Variants in CAMSAP2 observed in about 807,000 individuals in gnomAD.
CAMSAP2 encodes calmodulin regulated spectrin associated protein family member 2, also known as calmodulin-regulated spectrin-associated protein 2.
CAMSAP2 carries 26 observed loss-of-function variants against 146.1 expected under a neutral mutation model. The ratio of observed to expected loss-of-function variants is 0.18; its 90% confidence interval spans 0.13 to 0.25. The LOEUF (loss-of-function observed/expected upper bound fraction) is 0.25, where lower values mean the gene tolerates loss of function less well. CAMSAP2 is among the 10% of genes least tolerant of loss of function. The probability of loss-of-function intolerance (pLI) is 1.00; values close to 1 mark genes in which losing one functional copy is unlikely to be tolerated. For missense variants in CAMSAP2, 1,381 were observed against 1,759.3 expected (o/e 0.78, Z 3.85); for synonymous variants, 499 against 596.6 (o/e 0.84, Z 2.38).
At chr1:200,855,970 C>T (rs1246732845) in intron 14 of CAMSAP2, 40 bp from the exon 15 acceptor site, 1 of 1,382,790 alleles carries the variant, frequency 7.2e-7, no homozygotes, top group South Asian at 1.2e-5. Context: ...CCCATTTTTT[C>T]TCTGTTTGAG....
intron 1 of CAMSAP2, among the ~76,000 whole-genome samples, chr1:200,745,244 C>T (rs1477960967): frequency 6.6e-6 from 1 of 152,070 alleles, no homozygotes; most frequent in Admixed American, 6.6e-5. Context: ...CAGTAGTGTT[C>T]CCTACCACTA....
Position 200,847,718 on chromosome 1 carries a change from A to G in CAMSAP2, c.1262+9A>G. On this transcript the variant is annotated intron_variant, in intron 10 of 16. Transcript: ENST00000358823. ...TGGCCCAAAGAGAAAAGGTAAACAA[A>G]GAGAATTACTTTTAGTGTATTCAGA... The G allele has an allele frequency of 6.2e-7, 1 of 1,602,608 alleles. No homozygotes were observed. Among genetic ancestry groups the G allele is most frequent in the Non-Finnish European group, 8.5e-7 (1 of 1,170,378 alleles).
chr1:200,763,065 A>G (rs1664844330), intron 2 of CAMSAP2, among the ~76,000 whole-genome samples: 1 of 152,040 alleles, frequency 6.6e-6, no homozygotes, highest in Non-Finnish European at 1.5e-5. Flanking sequence ...ATGCCCAGCT[A>G]ATTTTTGTAC....
At chr1:200,752,649 GCT>G (rs570047046) in intron 1 of CAMSAP2, among the ~76,000 whole-genome samples, 239 of 147,652 alleles carry the variant, frequency 1.6e-3, no homozygotes, top group African/African-American at 6.0e-3. Flanking sequence ...ATGGAGTCTC[GCT>G]CTGTCGCCCA....
chr1:200,833,004 T>C (rs577401944), intron 6 of CAMSAP2, among the ~76,000 whole-genome samples, 159 bp downstream of exon 6: 423 of 152,114 alleles, frequency 2.8e-3, no homozygotes, highest in African/African-American at 9.4e-3. Context: ...GAGGCTTCAG[T>C]GAGCGATGAT....
intron 2 of CAMSAP2, among the ~76,000 whole-genome samples, chr1:200,763,498 T>C (rs775712105): frequency 1.3e-5 from 2 of 152,014 alleles, no homozygotes; most frequent in Non-Finnish European, 2.9e-5. Flanking sequence ...GAGATTCCGC[T>C]ACTGCACTCC....
At chr1:200,796,734 A>G (rs1665894555) in intron 2 of CAMSAP2, among the ~76,000 whole-genome samples, 2 of 150,734 alleles carry the variant, frequency 1.3e-5, no homozygotes, top group Non-Finnish European at 2.9e-5. Flanking sequence ...GGTTAGTTAC[A>G]TATGTATACA....
chr1:200,771,558 T>C (rs1665118322), intron 2 of CAMSAP2, among the ~76,000 whole-genome samples: 1 of 152,176 alleles, frequency 6.6e-6, no homozygotes, highest in African/African-American at 2.4e-5. Context: ...TAATTTCTGG[T>C]CATAAAGAGA....
chr1:200,848,046 G>A lies in CAMSAP2; in HGVS notation c.1277G>A (p.Gly426Asp). The A allele has an allele frequency of 6.5e-7, 1 of 1,542,068 alleles. No individual in the cohort carries two copies. Among genetic ancestry groups the A allele is most frequent in the Non-Finnish European group, 8.7e-7 (1 of 1,148,318 alleles). ...WPKEKRSSVH[G>D]VSFDISFDKE... ...CTTTTTTTTAGATCATCAGTGCATGGCGTATCATTTGATATTTCTTTTGAT... is the reference window on the plus strand; with the variant it reads ...CTTTTTTTTAGATCATCAGTGCATGACGTATCATTTGATATTTCTTTTGAT... The change falls in exon 11 of 17, where the codon GGC (glycine) becomes GAC (aspartate). Residue 426 changes from glycine to aspartate, a missense_variant. Gly to Asp is a moderately conservative substitution (Grantham distance 94). This residue lies in a region of CAMSAP2 where 447 missense variants were observed against 462.2 expected (regional missense o/e 0.97). Coordinates refer to ENST00000358823, the MANE Select transcript of CAMSAP2 (RefSeq NM_203459.4).
chr1:200,810,616 C>T (rs898678707), intron 3 of CAMSAP2, among the ~76,000 whole-genome samples: 22 of 150,236 alleles, frequency 1.5e-4, no homozygotes, highest in African/African-American at 4.4e-4. Flanking sequence ...AGACTGGGGG[C>T]GGTGACTCAC....
Position 200,832,831 on chromosome 1 carries a change from G to A in CAMSAP2, c.913G>A (p.Ala305Thr). ...HFTLEDMLYAASSIKSNYLVF... is the reference protein window; with the variant it reads ...HFTLEDMLYATSSIKSNYLVF... ...CACTCTGGAAGATATGCTCTATGCT[G>A]CTTCATCCATAAAGGTAAATTAAAT... The change falls in exon 6 of 17, where the codon GCT (alanine) becomes ACT (threonine). Residue 305 changes from alanine to threonine, a missense_variant. Physicochemically the swap from Ala to Thr is moderately conservative, Grantham distance 58 (BLOSUM62 0). Coordinates refer to ENST00000358823, the MANE Select transcript of CAMSAP2 (RefSeq NM_203459.4). This position sits in a 1 kb window ranked among gnomAD's most constrained non-coding sequence, Gnocchi z 4.2. 6.4e-7 allele frequency: 1 copy of A among 1,574,532 alleles called. No homozygotes were observed. Among genetic ancestry groups the A allele is most frequent in the Non-Finnish European group, 8.6e-7 (1 of 1,165,194 alleles).
chr1:200,850,166 TATG>T lies in CAMSAP2; in HGVS notation c.3401_3403del (p.Asp1134del), dbSNP rs1558210111. On this transcript the variant is annotated inframe_deletion, in exon 11 of 17. Transcript: ENST00000358823. The stretch of plus-strand genomic sequence containing the variant: ...AAAGGCTGATGTACCTGTTGAAAAA[TATG>T]ATGGAGAAAGTGATAAAGAACAATT... The T allele has an allele frequency of 6.2e-7, 1 of 1,604,922 alleles. No individual in the cohort carries two copies. Among genetic ancestry groups the T allele is most frequent in the Admixed American group, 1.8e-5 (1 of 56,478 alleles).
At chr1:200,791,667 C>A (rs1665757044) in intron 2 of CAMSAP2, among the ~76,000 whole-genome samples, 1 of 152,094 alleles carries the variant, frequency 6.6e-6, no homozygotes, top group Admixed American at 6.6e-5. Flanking sequence ...AAGATGTATT[C>A]TGTTGCAGTT....
chr1:200,799,130 T>G (rs1252313791), intron 2 of CAMSAP2, among the ~76,000 whole-genome samples: 1 of 152,184 alleles, frequency 6.6e-6, no homozygotes, highest in Non-Finnish European at 1.5e-5. Flanking sequence ...TGAAATTTTC[T>G]TTTTTTGTTG....
At chr1:200,828,059 A>G (rs1380203025) in intron 4 of CAMSAP2, among the ~76,000 whole-genome samples, 2 of 152,150 alleles carry the variant, frequency 1.3e-5, no homozygotes, top group Non-Finnish European at 2.9e-5. Flanking sequence ...GAAACTTTTT[A>G]TATAGTGAAG....
chr1:200,752,778 G>A (rs1422076271), intron 1 of CAMSAP2, among the ~76,000 whole-genome samples: 13 of 151,802 alleles, frequency 8.6e-5, no homozygotes, highest in South Asian at 6.3e-4. Flanking sequence ...CACCACGCAC[G>A]GCTAATTTTT....
Position 200,853,359 on chromosome 1 carries a change from A to G in CAMSAP2, c.3687A>G (p.Lys1229=). The G allele has an allele frequency of 6.2e-7, 1 of 1,613,956 alleles. No homozygotes were observed. Among genetic ancestry groups the G allele is most frequent in the Non-Finnish European group, 8.5e-7 (1 of 1,179,920 alleles). Residue 1229 remains lysine (K), a synonymous_variant, in exon 13 of 17, where the codon AAA becomes AAG. Transcript: ENST00000358823. This position sits in a 1 kb window ranked among gnomAD's most constrained non-coding sequence, Gnocchi z 5.1. ...TTAGGCAAGAATATATGAGGCGGAA[A>G]CAACTGAAACTAATGGAAGATATGG... is the stretch of plus-strand genomic sequence containing the variant. ...EFIRQEYMRR[K]QLKLMEDMDT... is the part of the protein sequence containing the mutation.
chr1:200,844,875 C>G lies in CAMSAP2; in HGVS notation c.1109+6C>G, dbSNP rs764261326. ...AGTTCTGACTTCCCTTCAAGGTAAA[C>G]TCCACAATGACTTTATTTTCACCAT... On this transcript the variant is annotated splice_donor_region_variant and intron_variant, in intron 8 of 16. Transcript: ENST00000358823. 6 of 1,491,374 alleles carry G rather than the reference C, an allele frequency of 4.0e-6. No individual in the cohort carries two copies. In the African/African-American group the frequency reaches 5.6e-5, roughly 14 times the overall value. 92.4% of individuals were successfully genotyped at this position (1,491,374 alleles called of 1,614,324 possible). A position where few individuals can be genotyped will look rare whatever the true frequency, so the allele number is the denominator to read the frequency against.
intron 1 of CAMSAP2, among the ~76,000 whole-genome samples, chr1:200,760,324 C>T (rs1207767692): frequency 6.6e-5 from 10 of 152,116 alleles, no homozygotes; most frequent in Non-Finnish European, 1.3e-4. Flanking sequence ...AAGGGAGAGA[C>T]GGCAGAGGTC....
Sources: allele counts gnomAD v4.1 joint callset (sites outside exome capture counted in the v4.1 genomes callset), GRCh38; gene constraint gnomAD v4.1.1; regional missense constraint gnomAD v4.1.1; non-coding constraint Gnocchi (gnomAD v3.1); transcripts MANE v1.5; gene names NCBI Gene and HGNC (gene_info 2026-07-23, HGNC 2026-07-21).